The following ADAMTSL3 variants were observed in gnomAD, a reference collection of about 807,000 sequenced individuals.
ADAMTSL3 encodes ADAMTS-like protein 3.
ADAMTSL3 carries 128 observed loss-of-function variants against 201.7 expected under a neutral mutation model. The ratio of observed to expected loss-of-function variants is 0.63; its 90% CI spans 0.55 to 0.73. The LOEUF (loss-of-function observed/expected upper bound fraction) is 0.73. ADAMTSL3 is among the 30% of genes least tolerant of loss of function. ADAMTSL3 has a pLI of 0.00. For synonymous variants in ADAMTSL3, 738 were observed against 748.4 expected (o/e 0.99, Z 0.23); for missense variants, 1,990 against 2,119.6 (o/e 0.94, Z 1.20).
intron 27 of ADAMTSL3, among the ~76,000 whole-genome samples, chr15:84,030,799 C>T (rs1357029629): frequency 2.0e-5 from 3 of 152,154 alleles, no homozygotes; most frequent in African/African-American, 7.2e-5. Context: ...CCCACAATCC[C>T]CACATGTCAA....
intron 6 of ADAMTSL3, among the ~76,000 whole-genome samples, chr15:83,823,893 CTCTTCTTCTTCTTCTTCTTCTTCT>C (rs759090787): frequency 0.039 from 3,654 of 93,096 alleles, 173 homozygotes; most frequent in Middle Eastern, 0.058. Flanking sequence ...CTTCTTCTTC[CTCTTCTTCTTCTTCTTCTTCTTCT>C]TCTTCTTCTT....
intron 6 of ADAMTSL3, among the ~76,000 whole-genome samples, chr15:83,831,984 C>A: frequency 6.6e-6 from 1 of 152,102 alleles, no homozygotes; most frequent in East Asian, 1.9e-4. Context: ...TTCCTGGGCT[C>A]TTCAAAGGAG....
At chr15:83,761,775 G>A (rs1171116518) in intron 3 of ADAMTSL3, among the ~76,000 whole-genome samples, 1 of 152,112 alleles carries the variant, frequency 6.6e-6, no homozygotes, top group African/African-American at 2.4e-5. Flanking sequence ...CAAAAATAAA[G>A]TCAGTATGAA....
At chr15:83,732,824 G>A (rs902158406) in intron 3 of ADAMTSL3, among the ~76,000 whole-genome samples, 6 of 152,128 alleles carry the variant, frequency 3.9e-5, no homozygotes, top group South Asian at 2.1e-4. Context: ...TTGTGTTAAA[G>A]GGGTATGTTT....
At chr15:83,709,359 G>T (rs776824481) in intron 3 of ADAMTSL3, among the ~76,000 whole-genome samples, 2 of 152,160 alleles carry the variant, frequency 1.3e-5, no homozygotes, top group Non-Finnish European at 2.9e-5. Context: ...TAGCTAGAAT[G>T]TATTAGTTTG....
At chr15:83,870,051 GT>G (rs1383452358) in intron 8 of ADAMTSL3, among the ~76,000 whole-genome samples, 6 of 152,086 alleles carry the variant, frequency 3.9e-5, no homozygotes, top group Non-Finnish European at 5.9e-5. Flanking sequence ...AAGTACAAAT[GT>G]TTTTTTGTTT....
chr15:83,741,210 TATTA>T (rs1190748093), intron 3 of ADAMTSL3, among the ~76,000 whole-genome samples: 2 of 150,682 alleles, frequency 1.3e-5, no homozygotes, highest in South Asian at 2.1e-4. Flanking sequence ...GTTAATATTA[TATTA>T]ATTATAATAC....
chr15:83,983,288 C>T lies in ADAMTSL3; in HGVS notation c.3660C>T (p.Pro1220=), dbSNP rs1180887482. 2 of 1,599,796 alleles carry T rather than the reference C, an allele frequency of 1.3e-6. No homozygotes were observed. The highest frequency in any genetic ancestry group is 2.7e-5 in the African/African-American group (2 of 74,442). The change falls in exon 21 of 30, where the codon CCC becomes CCT. Residue 1220 remains proline (P), a synonymous_variant. Coordinates refer to ENST00000286744, the MANE Select transcript of ADAMTSL3 (RefSeq NM_207517.3). The part of the protein sequence containing the change: ...VINILCDLIT[P]SEATYTWTKD... ...ATATACTGTGTGACCTTATTACCCCCAGTGAGGCCACATATACATGGACCA... is the reference window on the plus strand; with the variant it reads ...ATATACTGTGTGACCTTATTACCCCTAGTGAGGCCACATATACATGGACCA...
At chr15:83,898,069 G>T in intron 14 of ADAMTSL3, 64 bp downstream of exon 14, 1 of 1,507,068 alleles carries the variant, frequency 6.6e-7, no homozygotes, top group Non-Finnish European at 9.0e-7. Flanking sequence ...TTCCAATATT[G>T]TAGCATTTCC....
intron 19 of ADAMTSL3, among the ~76,000 whole-genome samples, chr15:83,958,132 G>A (rs2142084258): frequency 6.6e-6 from 1 of 152,318 alleles, no homozygotes. Flanking sequence ...TAAAAAAGAG[G>A]AGAGACAGGG....
intron 23 of ADAMTSL3, among the ~76,000 whole-genome samples, chr15:83,995,802 T>C (rs575562265): frequency 1.7e-4 from 26 of 152,228 alleles, no homozygotes; most frequent in African/African-American, 6.0e-4. Flanking sequence ...TGAAAGCACA[T>C]ATGGCTGAGA....
At chr15:83,846,831 T>C (rs758844171) in intron 7 of ADAMTSL3, among the ~76,000 whole-genome samples, 2 of 152,160 alleles carry the variant, frequency 1.3e-5, no homozygotes, top group African/African-American at 2.4e-5. Flanking sequence ...TTAGAGGCAG[T>C]ATTATAAAGG....
At chr15:83,833,556 A>G (rs2141964558) in intron 6 of ADAMTSL3, among the ~76,000 whole-genome samples, 1 of 152,226 alleles carries the variant, frequency 6.6e-6, no homozygotes, top group East Asian at 1.9e-4. Context: ...CTAGGAAGTG[A>G]TAGAGCTGGA....
At chr15:83,676,826 G>C (rs192136090) in intron 2 of ADAMTSL3, among the ~76,000 whole-genome samples, 58 of 152,346 alleles carry the variant, frequency 3.8e-4, no homozygotes, top group African/African-American at 1.3e-3. Flanking sequence ...CTTCTTCCAC[G>C]TGAAAACACA....
intron 25 of ADAMTSL3, among the ~76,000 whole-genome samples, chr15:84,018,477 G>A (rs1567305584): frequency 6.6e-6 from 1 of 152,198 alleles, no homozygotes; most frequent in Non-Finnish European, 1.5e-5. Context: ...TAAGGGCTAT[G>A]AGATACACAG....
At chr15:83,656,089 C>T (rs2061079283) in intron 2 of ADAMTSL3, among the ~76,000 whole-genome samples, 1 of 152,164 alleles carries the variant, frequency 6.6e-6, no homozygotes, top group African/African-American at 2.4e-5. Flanking sequence ...TGACCTGGGG[C>T]TGTGATGGAC....
intron 8 of ADAMTSL3, among the ~76,000 whole-genome samples, chr15:83,863,320 C>T (rs2064905951): frequency 6.6e-6 from 1 of 152,290 alleles, no homozygotes; most frequent in African/African-American, 2.4e-5. Context: ...AATATACATT[C>T]TTTTCAGCAC....
chr15:83,675,740 C>T (rs1212801685), intron 2 of ADAMTSL3, among the ~76,000 whole-genome samples: 1 of 151,964 alleles, frequency 6.6e-6, no homozygotes, highest in African/African-American at 2.4e-5. Flanking sequence ...TCATTTTTGA[C>T]AGATTTTAAA....
At chr15:83,659,203 C>G (rs1233249951) in intron 2 of ADAMTSL3, among the ~76,000 whole-genome samples, 1 of 152,196 alleles carries the variant, frequency 6.6e-6, no homozygotes, top group Non-Finnish European at 1.5e-5. Flanking sequence ...TCATAGATAT[C>G]TACTGGAACA....
Sources: allele counts gnomAD v4.1 joint callset (sites outside exome capture counted in the v4.1 genomes callset), GRCh38; gene constraint gnomAD v4.1.1; transcripts MANE v1.5; gene names NCBI Gene and HGNC (gene_info 2026-07-23, HGNC 2026-07-21).